Variants in CRTC3 observed in about 807,000 individuals in gnomAD.
The protein encoded by CRTC3 is CREB-regulated transcription coactivator 3.
A neutral mutation model predicts 74.5 loss-of-function variants in CRTC3; 26 were observed. That is an observed-to-expected ratio of 0.35 (90% confidence interval 0.26 to 0.48). The LOEUF is 0.48. Among genes scored for constraint, CRTC3 ranks in the 20% least tolerant of loss-of-function variants. The probability of loss-of-function intolerance (pLI) is 0.99; values close to 1 mark genes in which losing one functional copy is unlikely to be tolerated. For missense variants in CRTC3, 760 were observed against 787.3 expected, an observed-to-expected ratio of 0.97 and a Z score of 0.41; for synonymous variants, 377 against 325.8, an observed-to-expected ratio of 1.16 and a Z score of -1.69.
chr15:90,606,300 G>A (rs1342405845), intron 5 of CRTC3, among the ~76,000 whole-genome samples: 2 of 151,950 alleles, frequency 1.3e-5, no homozygotes, highest in Non-Finnish European at 2.9e-5. Flanking sequence ...AGTGGCTCAT[G>A]CCTGTAATCC....
chr15:90,601,466 G>A (rs1262549053), intron 3 of CRTC3, among the ~76,000 whole-genome samples: 1 of 151,724 alleles, frequency 6.6e-6, no homozygotes, highest in Non-Finnish European at 1.5e-5. Flanking sequence ...CCTGGCCAAC[G>A]TGGAGAAACC....
intron 4 of CRTC3, among the ~76,000 whole-genome samples, chr15:90,603,577 A>G (rs1315889147): frequency 6.6e-6 from 1 of 152,250 alleles, no homozygotes; most frequent in Non-Finnish European, 1.5e-5. Context: ...TTTTGTACCC[A>G]ATACAGAGGG....
At chr15:90,542,560 C>G (rs1423614020) in intron 2 of CRTC3, among the ~76,000 whole-genome samples, 1 of 152,100 alleles carries the variant, frequency 6.6e-6, no homozygotes, top group Non-Finnish European at 1.5e-5. Context: ...GTTTTTCCTA[C>G]AAGCAAAGAC....
At chr15:90,557,983 T>A (rs1307333687) in intron 2 of CRTC3, among the ~76,000 whole-genome samples, 1 of 152,028 alleles carries the variant, frequency 6.6e-6, no homozygotes, top group African/African-American at 2.4e-5. Context: ...ACCACCCCAC[T>A]TGCCTTTCTG....
intron 3 of CRTC3, chr15:90,593,982 A>C: frequency 2.5e-6 from 1 of 403,244 alleles, no homozygotes; most frequent in Non-Finnish European, 4.3e-6. Flanking sequence ...GTTTAATGAA[A>C]TAACAACAAA....
intron 2 of CRTC3, among the ~76,000 whole-genome samples, chr15:90,580,952 T>C (rs1324815025): frequency 3.3e-5 from 5 of 152,166 alleles, no homozygotes; most frequent in Non-Finnish European, 7.4e-5. Flanking sequence ...GTTTAAACCA[T>C]GATGAATTTT....
At chr15:90,545,428 C>G (rs960525848) in intron 2 of CRTC3, among the ~76,000 whole-genome samples, 3 of 132,658 alleles carry the variant, frequency 2.3e-5, no homozygotes, top group Admixed American at 1.7e-4. Context: ...GAGACTGAAT[C>G]TCGCTCTGTC....
intron 7 of CRTC3, among the ~76,000 whole-genome samples, chr15:90,617,028 C>T (rs1968510979): frequency 6.6e-6 from 1 of 152,154 alleles, no homozygotes; most frequent in African/African-American, 2.4e-5. Flanking sequence ...GCCAAGCCTG[C>T]AGAGCCCCCC....
chr15:90,599,438 A>G (rs1968013073), intron 3 of CRTC3: 1 of 152,232 alleles, frequency 6.6e-6, no homozygotes, highest in Admixed American at 6.5e-5. Flanking sequence ...GTTGTTACTT[A>G]GGGCATGTCA....
intron 2 of CRTC3, among the ~76,000 whole-genome samples, chr15:90,546,792 T>C (rs1365605627): frequency 6.6e-6 from 1 of 152,144 alleles, no homozygotes; most frequent in East Asian, 1.9e-4. Context: ...CCAGCTAATT[T>C]TTCTGTATTT....
In CRTC3 at chr15:90,540,110, G is replaced by C. The variant is rs142472120; in HGVS notation, c.204G>C (p.Gln68His). ...GAGGATCCTTACCAAATGTGAGCCA[G>C]CTGCGGAGCAGTGCGTCAGAGTTTC... is the stretch of plus-strand genomic sequence containing the variant. ...YHGGSLPNVSQLRSSASEFQP... is the reference protein window; with the variant it reads ...YHGGSLPNVSHLRSSASEFQP... The change falls in exon 2 of 15, where the codon CAG (glutamine) becomes CAC (histidine). Residue 68 changes from glutamine to histidine, a missense_variant. Around this residue, in one of 2 missense-constraint regions of CRTC3, gnomAD observed 108 missense variants for 152.1 expected, o/e 0.71. Transcript: ENST00000268184. 1 of 1,613,024 alleles carries C rather than the reference G, an allele frequency of 6.2e-7. No homozygotes were observed. The highest frequency in any genetic ancestry group is 1.3e-5 in the African/African-American group (1 of 74,912).
chr15:90,570,906 C>T (rs559860933), intron 2 of CRTC3, among the ~76,000 whole-genome samples: 6 of 152,044 alleles, frequency 3.9e-5, no homozygotes, highest in Non-Finnish European at 8.8e-5. Context: ...CTGACCAAAA[C>T]GACTGTGTCT....
At chr15:90,632,062 C>T (rs1373768094) in intron 11 of CRTC3, among the ~76,000 whole-genome samples, 3 of 131,746 alleles carry the variant, frequency 2.3e-5, no homozygotes, top group Admixed American at 8.1e-5. Context: ...CCATCACACC[C>T]GACTAATTTT....
chr15:90,639,421 G>T (rs1415615416), intron 13 of CRTC3, among the ~76,000 whole-genome samples: 1 of 151,412 alleles, frequency 6.6e-6, no homozygotes, highest in Non-Finnish European at 1.5e-5. Context: ...TTAAGGAGTG[G>T]AAGAAGGGTT....
At chr15:90,558,868 C>T (rs1158576093) in intron 2 of CRTC3, among the ~76,000 whole-genome samples, 1 of 151,982 alleles carries the variant, frequency 6.6e-6, no homozygotes, top group Non-Finnish European at 1.5e-5. Context: ...TCTCCTGCCT[C>T]AGCCTCCTGA....
intron 2 of CRTC3, among the ~76,000 whole-genome samples, chr15:90,584,805 G>A (rs771094832): frequency 2.0e-5 from 3 of 152,002 alleles, no homozygotes; most frequent in African/African-American, 7.2e-5. Flanking sequence ...TACCAGCTAC[G>A]TTTCCAACCA....
At chr15:90,619,404 C>T (rs866303912) in intron 8 of CRTC3, among the ~76,000 whole-genome samples, 2 of 152,226 alleles carry the variant, frequency 1.3e-5, no homozygotes, top group Non-Finnish European at 1.5e-5. Flanking sequence ...TTGCTGTGAG[C>T]TGAGATGTGC....
chr15:90,559,766 C>G, intron 2 of CRTC3, among the ~76,000 whole-genome samples: 1 of 152,162 alleles, frequency 6.6e-6, no homozygotes, highest in East Asian at 1.9e-4. Flanking sequence ...CTGGCACCAC[C>G]GGCGCATGCC....
chr15:90,643,966 G>A lies in CRTC3; in HGVS notation c.*1826G>A. On this transcript the variant is annotated 3_prime_UTR_variant, in exon 15 of 15. Coordinates refer to ENST00000268184, the MANE Select transcript of CRTC3 (RefSeq NM_022769.5). Reference sequence around the variant, plus strand: ...TGGTCACAAGACCCTGGGCTGGTTAGCCTCTCCCGACCTCATTCCATTTCT... The same window carrying A: ...TGGTCACAAGACCCTGGGCTGGTTAACCTCTCCCGACCTCATTCCATTTCT... 2 of 232,706 alleles carry A rather than the reference G, an allele frequency of 8.6e-6. No homozygotes were observed. The highest frequency in any genetic ancestry group is 1.7e-5 in the Non-Finnish European group (2 of 117,692). The allele number at this position is 232,706 out of a possible 1,614,324, so 14.4% of individuals were successfully genotyped here. A position where few individuals can be genotyped will look rare whatever the true frequency, so the allele number is the denominator to read the frequency against.
Sources: allele counts gnomAD v4.1 joint callset (sites outside exome capture counted in the v4.1 genomes callset), GRCh38; gene constraint gnomAD v4.1.1; regional missense constraint gnomAD v4.1.1; transcripts MANE v1.5; gene names NCBI Gene and HGNC (gene_info 2026-07-23, HGNC 2026-07-21).